Variants in BORCS5 observed in about 807,000 individuals in gnomAD.
BORCS5 encodes the protein BLOC-1-related complex subunit 5.
In BORCS5, 17 loss-of-function variants were observed where a neutral mutation model predicts 22.1. The observed-to-expected ratio is 0.77, with a 90% CI of 0.53 to 1.15. The LOEUF (loss-of-function observed/expected upper bound fraction) is 1.15. Ranked by LOEUF, BORCS5 falls within the 50% of genes most tolerant of loss-of-function variation. The probability of loss-of-function intolerance (pLI) is 0.00; values close to 1 mark genes in which losing one functional copy is unlikely to be tolerated. For missense variants in BORCS5, 247 were observed against 253.2 expected (o/e 0.98, Z 0.17); for synonymous variants, 117 against 99.8 (o/e 1.17, Z -1.03).
intron 2 of BORCS5, among the ~76,000 whole-genome samples, chr12:12,416,203 C>G (rs889172614): frequency 7.9e-5 from 12 of 152,000 alleles, no homozygotes; most frequent in Admixed American, 1.3e-4. Context: ...TTTGAGTTGT[C>G]TCTCTTTTTT....
intron 3 of BORCS5, among the ~76,000 whole-genome samples, chr12:12,438,369 A>ACAAAAAACAAAC (rs1226144699): frequency 1.5e-5 from 2 of 129,388 alleles, no homozygotes; most frequent in African/African-American, 7.6e-5. Context: ...TCAAAAAAAA[A>ACAAAAAACAAAC]AAAAAAAAAA....
chr12:12,361,567 A>C (rs531533835), intron 2 of BORCS5, among the ~76,000 whole-genome samples: 1 of 152,096 alleles, frequency 6.6e-6, no homozygotes, highest in Non-Finnish European at 1.5e-5. Flanking sequence ...TCATTGACCT[A>C]TTGCAAATAT....
chr12:12,390,384 A>G (rs766088208), intron 2 of BORCS5, among the ~76,000 whole-genome samples: 27 of 152,130 alleles, frequency 1.8e-4, no homozygotes, highest in Non-Finnish European at 3.7e-4. Flanking sequence ...GAAGGAGGTA[A>G]TATATTTGAA....
At chr12:12,394,982 C>T (rs111861278) in intron 2 of BORCS5, among the ~76,000 whole-genome samples, 1,963 of 152,048 alleles carry the variant, frequency 0.013, 36 homozygotes, top group South Asian at 0.03. Flanking sequence ...GTCCAAAGGC[C>T]GGATGGTTTT....
At chr12:12,418,544 A>G (rs1726861259) in intron 2 of BORCS5, among the ~76,000 whole-genome samples, 1 of 152,256 alleles carries the variant, frequency 6.6e-6, no homozygotes, top group African/African-American at 2.4e-5. Flanking sequence ...AAAATTAGCC[A>G]GGTGTGATAG....
At position 12,357,325 on chromosome 12, in the gene BORCS5, G is replaced by T; in HGVS notation, c.-127G>T. On this transcript the variant is annotated 5_prime_UTR_variant, in exon 1 of 4. Transcript: ENST00000314565. Reference sequence around the variant, plus strand: ...CTGGACGCGTCAGCCCCACACATTAGCCTCGCTGCGGCGCCCAGACTCTGC... The same window carrying T: ...CTGGACGCGTCAGCCCCACACATTATCCTCGCTGCGGCGCCCAGACTCTGC... 1.4e-6 allele frequency: 2 copies of T among 1,474,928 alleles called. No individual in the cohort carries two copies. The highest frequency in any genetic ancestry group is 1.8e-6 in the Non-Finnish European group (2 of 1,107,694). The allele number at this position is 1,474,928 out of a possible 1,614,324, so 91.4% of individuals were successfully genotyped here.
chr12:12,457,312 A>T (rs1408517565), intron 3 of BORCS5, among the ~76,000 whole-genome samples: 1 of 152,164 alleles, frequency 6.6e-6, no homozygotes, highest in Non-Finnish European at 1.5e-5. Flanking sequence ...CAAGATTTTG[A>T]CTCAGTTCTG....
Position 12,357,162 on chromosome 12 carries a change from G to A in BORCS5, c.-290G>A, listed in dbSNP as rs1863156978. ...GCCCGCCGGCCGCAGGTGCGGCAAA[G>A]CCAGTGTCATCTGCCGGTTCTCTTA... On this transcript the variant is annotated 5_prime_UTR_variant, in exon 1 of 4. Coordinates refer to ENST00000314565, the MANE Select transcript of BORCS5 (RefSeq NM_058169.6). 5 of 1,532,132 alleles carry A rather than the reference G, an allele frequency of 3.3e-6. No homozygotes were observed. Among genetic ancestry groups the A allele is most frequent in the Non-Finnish European group, 4.4e-6 (5 of 1,145,330 alleles). The allele number at this position is 1,532,132 out of a possible 1,614,324, so 94.9% of individuals were successfully genotyped here.
At chr12:12,442,899 G>A (rs936349685) in intron 3 of BORCS5, among the ~76,000 whole-genome samples, 2 of 152,176 alleles carry the variant, frequency 1.3e-5, no homozygotes, top group East Asian at 1.9e-4. Flanking sequence ...CATCGGTACC[G>A]TAATGTTTAA....
intron 2 of BORCS5, among the ~76,000 whole-genome samples, chr12:12,362,449 A>G (rs902443045): frequency 6.6e-6 from 1 of 152,158 alleles, no homozygotes; most frequent in Admixed American, 6.6e-5. Flanking sequence ...GTTTTAGTGT[A>G]CATGTGCACA....
At position 12,361,269 on chromosome 12, in the gene BORCS5, C is replaced by T; in HGVS notation, c.122C>T (p.Ser41Phe). The T allele has an allele frequency of 1.2e-6, 2 of 1,614,126 alleles. No individual in the cohort carries two copies. Among genetic ancestry groups the T allele is most frequent in the Non-Finnish European group, 1.7e-6 (2 of 1,180,020 alleles). The change falls in exon 2 of 4, where the codon TCC becomes TTC. Residue 41 changes from serine to phenylalanine, a missense_variant. Ser to Phe is a radical substitution (Grantham distance 155). Coordinates refer to ENST00000314565, the MANE Select transcript of BORCS5 (RefSeq NM_058169.6). ...MDDIVVVAQG[S>F]QASRNVSNDP... is the part of the protein sequence containing the mutation. ...GATATTGTGGTTGTAGCTCAGGGCT[C>T]CCAGGCCTCACGGAACGTCAGCAAC...
intron 2 of BORCS5, among the ~76,000 whole-genome samples, chr12:12,422,540 G>A (rs1167190883): frequency 1.3e-5 from 2 of 152,042 alleles, no homozygotes; most frequent in African/African-American, 4.8e-5. Flanking sequence ...GGCAGAGGTT[G>A]CAGTGAGCCG....
chr12:12,438,376 AAAAACG>A (rs1341198312), intron 3 of BORCS5, among the ~76,000 whole-genome samples: 1 of 136,386 alleles, frequency 7.3e-6, no homozygotes, highest in African/African-American at 3.5e-5. Context: ...AAAAAAAAAA[AAAAACG>A]AAAAACAACA....
At chr12:12,387,209 T>C (rs976154756) in intron 2 of BORCS5, among the ~76,000 whole-genome samples, 1 of 151,352 alleles carries the variant, frequency 6.6e-6, no homozygotes, top group Non-Finnish European at 1.5e-5. Flanking sequence ...TTCCTTTTAT[T>C]GTTTCCTTCT....
chr12:12,414,078 T>C (rs1941830926), intron 2 of BORCS5, among the ~76,000 whole-genome samples: 2 of 71,452 alleles, frequency 2.8e-5, no homozygotes, highest in African/African-American at 7.1e-5. Context: ...CCCACATCCC[T>C]CCCGGACGGG....
At chr12:12,419,119 T>G (rs192881115) in intron 2 of BORCS5, among the ~76,000 whole-genome samples, 1 of 152,296 alleles carries the variant, frequency 6.6e-6, no homozygotes, top group East Asian at 1.9e-4. Flanking sequence ...TAGGTATATA[T>G]GTGCCATGTT....
At chr12:12,416,922 C>T (rs374921694) in intron 2 of BORCS5, among the ~76,000 whole-genome samples, 8 of 151,468 alleles carry the variant, frequency 5.3e-5, no homozygotes, top group East Asian at 1.9e-4. Flanking sequence ...GCTGGGATTA[C>T]AGGCAGGCGC....
intron 2 of BORCS5, among the ~76,000 whole-genome samples, chr12:12,435,343 T>G (rs751406142): frequency 1.3e-5 from 2 of 152,208 alleles, no homozygotes; most frequent in Non-Finnish European, 2.9e-5. Flanking sequence ...TTACTTAACT[T>G]CTCTGTGTCT....
At position 12,412,900 on chromosome 12, in the gene BORCS5, CTTTTTTTT is replaced by C. The variant is rs869045354; in HGVS notation, c.203-22710_203-22703del. ...TCAGTTGAAATGATTTTGTGGTTTT[CTTTTTTTT>C]TTTTTTTTTTTTTTTTTATTGATAA... On this transcript the variant is annotated intron_variant, in intron 2 of 3. Transcript: ENST00000314565. 2.2e-3 allele frequency among the ~76,000 whole-genome samples: 161 copies of C among 74,216 alleles called. 1 individual carries two copies. The East Asian group carries it at 0.047, about 22-fold the overall frequency. The allele number at this position is 74,216 out of a possible 152,430, so 48.7% of individuals were successfully genotyped here.
Sources: gnomAD v4.1 joint callset for allele counts (sites outside exome capture counted in the v4.1 genomes callset) on GRCh38, gnomAD v4.1.1 for gene constraint, MANE v1.5 for transcripts, NCBI Gene and HGNC (gene_info 2026-07-23, HGNC 2026-07-21) for gene names.